The following NALCN variants were observed in gnomAD, a reference collection of about 807,000 sequenced individuals.
NALCN encodes the protein sodium leak channel NALCN.
NALCN carries 111 observed loss-of-function variants against 225.3 expected under a neutral mutation model. The observed-to-expected ratio is 0.49, with a 90% CI of 0.42 to 0.58. The LOEUF is 0.58. Ranked by LOEUF, NALCN falls within the 20% of genes least tolerant of loss-of-function variation. The pLI, the probability that NALCN is intolerant of heterozygous loss-of-function variation, is 0.00. For synonymous variants in NALCN, 764 were observed against 769.0 expected (o/e 0.99, Z 0.11); for missense variants, 1,378 against 2,202.4 (o/e 0.63, Z 7.49).
At chr13:101,121,814 A>G (rs1284380850) in intron 18 of NALCN, among the ~76,000 whole-genome samples, 1 of 152,190 alleles carries the variant, frequency 6.6e-6, no homozygotes, top group Non-Finnish European at 1.5e-5. Flanking sequence ...TTTAATCGAC[A>G]GCAAGGTTGG....
chr13:101,330,681 A>G (rs902621464), intron 7 of NALCN, among the ~76,000 whole-genome samples: 22 of 152,116 alleles, frequency 1.4e-4, no homozygotes, highest in African/African-American at 4.3e-4. Flanking sequence ...TTTCCACCCA[A>G]ATGTCATCTT....
intron 13 of NALCN, among the ~76,000 whole-genome samples, chr13:101,220,746 T>C (rs924776618): frequency 7.2e-5 from 11 of 152,104 alleles, no homozygotes; most frequent in African/African-American, 1.7e-4. Context: ...AGCTGGAAAA[T>C]AGAGCAAGTA....
intron 7 of NALCN, among the ~76,000 whole-genome samples, chr13:101,326,474 G>A (rs1345252043): frequency 6.6e-6 from 1 of 152,114 alleles, no homozygotes; most frequent in African/African-American, 2.4e-5. Flanking sequence ...CTTCCCAGAC[G>A]ACTACCTCTG....
chr13:101,252,240 G>A (rs1333421043), intron 11 of NALCN, among the ~76,000 whole-genome samples: 1 of 152,114 alleles, frequency 6.6e-6, no homozygotes, highest in Non-Finnish European at 1.5e-5. Context: ...CAACTGCCAT[G>A]TAAGAAAGGA....
Position 101,133,865 on chromosome 13 carries a change from A to G in NALCN, c.2119-9184T>C, listed in dbSNP as rs1306107226. On this transcript the variant is annotated intron_variant, in intron 17 of 43. Coordinates refer to ENST00000251127, the MANE Select transcript of NALCN (RefSeq NM_052867.4). Reference sequence around the variant, plus strand: ...AATTTTGTGAAGAGAATTTTAGATGATGGGTCAAGATTTCTTATTGTAGGC... The same window carrying G: ...AATTTTGTGAAGAGAATTTTAGATGGTGGGTCAAGATTTCTTATTGTAGGC... Among the ~76,000 whole-genome samples the G allele has an allele frequency of 2.6e-5, 4 of 152,272 alleles. No homozygotes were observed. In the South Asian group the frequency reaches 6.2e-4, roughly 24 times the overall value.
At position 101,074,576 on chromosome 13, in the gene NALCN, C is replaced by T. The variant is rs2033125568; in HGVS notation, c.4041G>A (p.Leu1347=). The part of the protein sequence containing the change: ...FIIVGMFLLL[L]CYAFAGVVLF... ...AAACAACTCCAGCAAAAGCGTAACA[C>T]AGCAGCAAGAGAAACATGCCTACTA... The change falls in exon 36 of 44, where the codon CTG becomes CTA. Residue 1347 remains leucine, a synonymous_variant. Coordinates refer to ENST00000251127, the MANE Select transcript of NALCN (RefSeq NM_052867.4). The T allele has an allele frequency of 1.2e-6, 2 of 1,613,684 alleles. No homozygotes were observed. Among genetic ancestry groups the T allele is most frequent in the African/African-American group, 1.3e-5 (1 of 74,882 alleles).
At position 101,209,544 on chromosome 13, in the gene NALCN, C is replaced by T. The variant is rs1276711792; in HGVS notation, c.1627-17490G>A. Among the ~76,000 whole-genome samples the T allele has an allele frequency of 2.0e-5, 3 of 151,724 alleles. No homozygotes were observed. The East Asian group carries it at 5.8e-4, about 29-fold the overall frequency. On this transcript the variant is annotated intron_variant, in intron 13 of 43. Coordinates refer to ENST00000251127, the MANE Select transcript of NALCN (RefSeq NM_052867.4). ...TAAATTTTGATTAAATTTATTTGAC[C>T]TGGATATAATTATTGCCGGACACAT...
At chr13:101,069,885 G>C (rs1040320931) in intron 37 of NALCN, among the ~76,000 whole-genome samples, 1 of 152,016 alleles carries the variant, frequency 6.6e-6, no homozygotes, top group East Asian at 1.9e-4. Flanking sequence ...ATTCAGTCGC[G>C]TCTTCAGGTT....
At chr13:101,241,262 A>AT (rs915539845) in intron 11 of NALCN, among the ~76,000 whole-genome samples, 5 of 152,052 alleles carry the variant, frequency 3.3e-5, no homozygotes, top group African/African-American at 4.8e-5. Flanking sequence ...TAGGGTACAT[A>AT]TTTTTCCAGA....
In NALCN at chr13:101,125,941, G is replaced by A. The variant is rs1375934716; in HGVS notation, c.2119-1260C>T. ...ATACTGTGTGTCAAACAAAGTTGAGGGGGGAAAGAAAACCCTCAGAAGACA... is the reference window on the plus strand; with the variant it reads ...ATACTGTGTGTCAAACAAAGTTGAGAGGGGAAAGAAAACCCTCAGAAGACA... On this transcript the variant is annotated intron_variant, in intron 17 of 43. Coordinates refer to ENST00000251127, the MANE Select transcript of NALCN (RefSeq NM_052867.4). Among the ~76,000 whole-genome samples, 6 of 152,146 alleles carry A rather than the reference G, an allele frequency of 3.9e-5. No individual in the cohort carries two copies. In the South Asian group the frequency reaches 1.0e-3, roughly 26 times the overall value.
rs1276470094 is a variant in NALCN at position 101,378,667 on chromosome 13, T to TAGGGGGA, written c.292-15_292-14insTCCCCCT. ...GGAACTATCCCCCTAAAAATAAATT[T>TAGGGGGA]TACATGGCATTATTAGGCAAAGCAA... On this transcript the variant is annotated splice_polypyrimidine_tract_variant and intron_variant, in intron 3 of 43. Transcript: ENST00000251127. 6.3e-7 allele frequency: 1 copy of TAGGGGGA among 1,594,034 alleles called. No homozygotes were observed. Among genetic ancestry groups the TAGGGGGA allele is most frequent in the Non-Finnish European group, 8.6e-7 (1 of 1,166,566 alleles).
intron 11 of NALCN, among the ~76,000 whole-genome samples, chr13:101,256,617 T>C (rs1482433740): frequency 2.6e-5 from 4 of 152,146 alleles, no homozygotes; most frequent in African/African-American, 9.7e-5. Context: ...AACTTCCCAC[T>C]TCACTGTCTC....
chr13:101,395,506 C>CT (rs869102463), intron 2 of NALCN, 141 bp from the exon 3 acceptor site: 61 of 636,150 alleles, frequency 9.6e-5, no homozygotes, highest in Admixed American at 2.4e-4. Context: ...AAATCTAACA[C>CT]TAAGTGCATA....
intron 13 of NALCN, among the ~76,000 whole-genome samples, chr13:101,203,601 A>T (rs1249801288): frequency 6.6e-6 from 1 of 152,228 alleles, no homozygotes; most frequent in Non-Finnish European, 1.5e-5. Context: ...AAAATTATAA[A>T]GGATAAACTA....
At chr13:101,098,928 A>C (rs567942936) in intron 27 of NALCN, among the ~76,000 whole-genome samples, 16 of 152,048 alleles carry the variant, frequency 1.1e-4, no homozygotes, top group Non-Finnish European at 1.8e-4. Flanking sequence ...TGAGCCTCGC[A>C]CAGACCTCAC....
chr13:101,168,228 T>G (rs1042638504), intron 15 of NALCN, among the ~76,000 whole-genome samples: 2 of 152,210 alleles, frequency 1.3e-5, no homozygotes, highest in African/African-American at 4.8e-5. Context: ...CATCCTTCCC[T>G]TGGTAAGTTC....
In NALCN at chr13:101,275,132, C is replaced by T. The variant is rs908075811; in HGVS notation, c.1134+8801G>A. Among the ~76,000 whole-genome samples, 7 of 152,310 alleles carry T rather than the reference C, an allele frequency of 4.6e-5. No individual in the cohort carries two copies. In the East Asian group the frequency reaches 5.8e-4, roughly 13 times the overall value. On this transcript the variant is annotated intron_variant, in intron 10 of 43. Transcript: ENST00000251127. ...ACGCCTCCTGTTTCTGATGCCCCCA[C>T]GCAACTTCATTTTTTCCCAGTGCAC...
intron 20 of NALCN, among the ~76,000 whole-genome samples, chr13:101,110,121 A>G (rs2035351381): frequency 1.3e-5 from 2 of 152,236 alleles, no homozygotes; most frequent in Non-Finnish European, 2.9e-5. Flanking sequence ...TAGAGCCAGT[A>G]AATAAATCCA....
At chr13:101,285,770 T>C (rs2043316359) in intron 9 of NALCN, among the ~76,000 whole-genome samples, 1 of 152,146 alleles carries the variant, frequency 6.6e-6, no homozygotes, top group Non-Finnish European at 1.5e-5. Context: ...TCAGTGGAGA[T>C]GCAAACCTGT....
Sources: allele counts gnomAD v4.1 joint callset (sites outside exome capture counted in the v4.1 genomes callset), GRCh38; gene constraint gnomAD v4.1.1; transcripts MANE v1.5; gene names NCBI Gene and HGNC (gene_info 2026-07-23, HGNC 2026-07-21).